Variants in FBXO31 observed in about 807,000 individuals in gnomAD.
FBXO31 encodes F-box protein 31.
A neutral mutation model predicts 54.4 loss-of-function variants in FBXO31; 24 were observed. The observed-to-expected ratio is 0.44, with a 90% confidence interval of 0.32 to 0.62. The LOEUF (loss-of-function observed/expected upper bound fraction) is 0.62. Ranked by LOEUF, FBXO31 falls within the 20% of genes least tolerant of loss-of-function variation. The probability of loss-of-function intolerance (pLI) is 0.05; values close to 1 mark genes in which losing one functional copy is unlikely to be tolerated. For synonymous variants in FBXO31, 388 were observed against 335.6 expected, an observed-to-expected ratio of 1.16 and a Z score of -1.71; for missense variants, 665 against 787.1, an observed-to-expected ratio of 0.84 and a Z score of 1.86.
intron 1 of FBXO31, among the ~76,000 whole-genome samples, chr16:87,371,714 C>G (rs370753196): frequency 6.6e-6 from 1 of 152,206 alleles, no homozygotes; most frequent in Non-Finnish European, 1.5e-5. Flanking sequence ...AAAGACAAAC[C>G]CCAGACCCTC....
chr16:87,357,805 T>G (rs1025461855), intron 2 of FBXO31, among the ~76,000 whole-genome samples: 3 of 152,084 alleles, frequency 2.0e-5, no homozygotes, highest in Non-Finnish European at 2.9e-5. Flanking sequence ...TGGTGGTGTA[T>G]GCCTGTAATC....
rs80349723 is a variant in FBXO31 at position 87,353,502 on chromosome 16, T to C, written c.413-6252A>G. ...CGCAGAAAGTGCCCGATCCACTGAC[T>C]GTTGTCCTTCCGAGAAGACAGAGAC... On this transcript the variant is annotated intron_variant, in intron 2 of 8. Transcript: ENST00000311635. 3.4e-3 allele frequency among the ~76,000 whole-genome samples: 513 copies of C among 152,370 alleles called. 4 individuals are homozygous for C. The highest frequency in any genetic ancestry group is 0.012 in the African/African-American group (481 of 41,590).
At chr16:87,343,839 G>A (rs1167670143) in intron 3 of FBXO31, 74 bp from the exon 4 acceptor site, 22 of 1,527,130 alleles carry the variant, frequency 1.4e-5, no homozygotes, top group Admixed American at 8.6e-5. Flanking sequence ...ACGGCTCCCC[G>A]CACTGCAATG....
Position 87,329,080 on chromosome 16 carries a change from G to A in FBXO31, c.*2208C>T, listed in dbSNP as rs1453412460. 6.6e-6 allele frequency: 1 copy of A among 152,282 alleles called. No individual in the cohort carries two copies. Among genetic ancestry groups the A allele is most frequent in the African/African-American group, 2.4e-5 (1 of 41,466 alleles). The allele number at this position is 152,282 out of a possible 1,614,324, so 9.4% of individuals were successfully genotyped here. A position where few individuals can be genotyped will look rare whatever the true frequency, so the allele number is the denominator to read the frequency against. The stretch of plus-strand genomic sequence containing the variant: ...CCCTACAGAACCGGAGCCAAGAACT[G>A]GCTAAGGACACATCGGAGCGGAAAA... On this transcript the variant is annotated 3_prime_UTR_variant, in exon 9 of 9. Coordinates refer to ENST00000311635, the MANE Select transcript of FBXO31 (RefSeq NM_024735.5).
upstream of FBXO31, chr16:87,383,818 AC>A: frequency 9.5e-7 from 1 of 1,049,422 alleles, no homozygotes; most frequent in Non-Finnish European, 1.2e-6. This position sits in a 1 kb window ranked among gnomAD's most constrained non-coding sequence, Gnocchi z 4.9. Context: ...GCGCCGAGCC[AC>A]GCCCCCGCCG....
chr16:87,365,037 A>ATATATATC (rs1489132121), intron 1 of FBXO31, among the ~76,000 whole-genome samples: 1 of 106,888 alleles, frequency 9.4e-6, no homozygotes, highest in Non-Finnish European at 2.0e-5. Flanking sequence ...ATATATATAT[A>ATATATATC]TATCAGGCAG....
intron 2 of FBXO31, among the ~76,000 whole-genome samples, chr16:87,351,240 T>C (rs1451469818): frequency 6.6e-6 from 1 of 152,192 alleles, no homozygotes; most frequent in African/African-American, 2.4e-5. Flanking sequence ...TGGATTTCAA[T>C]AGGAATTAAG....
chr16:87,373,458 A>C (rs561837925), intron 1 of FBXO31, among the ~76,000 whole-genome samples: 2 of 152,288 alleles, frequency 1.3e-5, no homozygotes, highest in Non-Finnish European at 2.9e-5. Flanking sequence ...TCTCAAAAAA[A>C]ATAATTATAT....
At chr16:87,389,625 T>C (rs953641271) in intron 1 of FBXO31, 12 of 152,192 alleles carry the variant, frequency 7.9e-5, no homozygotes, top group African/African-American at 2.9e-4. Context: ...CACCAGTCAA[T>C]ACTTAATATC....
chr16:87,337,242 T>G (rs1036581069), intron 5 of FBXO31, among the ~76,000 whole-genome samples: 2 of 152,108 alleles, frequency 1.3e-5, no homozygotes, highest in Non-Finnish European at 2.9e-5. Context: ...CAAAATACGT[T>G]TAAGATCTAT....
At chr16:87,366,139 C>A (rs1290390505) in intron 1 of FBXO31, among the ~76,000 whole-genome samples, 1 of 152,144 alleles carries the variant, frequency 6.6e-6, no homozygotes, top group Non-Finnish European at 1.5e-5. Context: ...GCCACGGGGG[C>A]TCCCAGATGG....
chr16:87,362,276 C>G (rs772568190), intron 1 of FBXO31, among the ~76,000 whole-genome samples: 5 of 152,016 alleles, frequency 3.3e-5, no homozygotes, highest in Non-Finnish European at 7.4e-5. Flanking sequence ...TAATTATTAT[C>G]TTTTCAATGT....
At chr16:87,375,140 A>C in intron 1 of FBXO31, among the ~76,000 whole-genome samples, 1 of 152,132 alleles carries the variant, frequency 6.6e-6, no homozygotes, top group Non-Finnish European at 1.5e-5. Flanking sequence ...CCCCATCTCT[A>C]CTAAAAATAC....
At chr16:87,360,434 G>T (rs1234788019) in intron 1 of FBXO31, 68 bp from the exon 2 acceptor site, 1 of 1,397,872 alleles carries the variant, frequency 7.2e-7, no homozygotes, top group Non-Finnish European at 1.0e-6. Flanking sequence ...TGGGCAGGCT[G>T]CTGATGGCTG....
At chr16:87,366,108 G>C (rs1195204136) in intron 1 of FBXO31, among the ~76,000 whole-genome samples, 2 of 152,184 alleles carry the variant, frequency 1.3e-5, no homozygotes, top group Non-Finnish European at 2.9e-5. Flanking sequence ...TCACAGCCCA[G>C]AGGAGGCACG....
At chr16:87,342,779 G>A (rs547049488) in intron 5 of FBXO31, 98 bp downstream of exon 5, 6 of 981,292 alleles carry the variant, frequency 6.1e-6, no homozygotes, top group East Asian at 5.5e-5. Flanking sequence ...CATGCAGGTC[G>A]CATGCTGCTG....
chr16:87,378,608 A>T (rs1362158079), intron 1 of FBXO31, among the ~76,000 whole-genome samples: 9 of 152,070 alleles, frequency 5.9e-5, no homozygotes, highest in Non-Finnish European at 1.3e-4. Flanking sequence ...TGCTTATCTC[A>T]CCCCTGCCTA....
At chr16:87,341,170 T>C (rs879773539) in intron 5 of FBXO31, among the ~76,000 whole-genome samples, 2 of 152,216 alleles carry the variant, frequency 1.3e-5, no homozygotes, top group Non-Finnish European at 2.9e-5. Context: ...GCACATGTTG[T>C]TATATTTACA....
intron 1 of FBXO31, among the ~76,000 whole-genome samples, chr16:87,379,473 C>T (rs1906977118): frequency 6.6e-6 from 1 of 152,084 alleles, no homozygotes; most frequent in East Asian, 1.9e-4. Flanking sequence ...CATGATGTTC[C>T]CTGAAAGGGG....
Sources: allele counts gnomAD v4.1 joint callset (sites outside exome capture counted in the v4.1 genomes callset), GRCh38; gene constraint gnomAD v4.1.1; non-coding constraint Gnocchi (gnomAD v3.1); transcripts MANE v1.5; gene names NCBI Gene and HGNC (gene_info 2026-07-23, HGNC 2026-07-21).